ITSN1: variants seen among roughly 807,000 people sequenced by gnomAD.
ITSN1 encodes intersectin 1, also known as intersectin-1.
A neutral mutation model predicts 239.8 loss-of-function variants in ITSN1; 58 were observed. That is an observed-to-expected ratio of 0.24 (90% CI 0.20 to 0.30). ITSN1 has a LOEUF of 0.30. Ranked by LOEUF, ITSN1 falls within the 10% of genes least tolerant of loss-of-function variation. The pLI is 1.00. For missense variants in ITSN1, 1,558 were observed against 2,103.3 expected (o/e 0.74, Z 5.07); for synonymous variants, 780 against 770.8 (o/e 1.01, Z -0.20).
At chr21:33,674,282 G>C (rs1434531467) in intron 1 of ITSN1, among the ~76,000 whole-genome samples, 1 of 152,152 alleles carries the variant, frequency 6.6e-6, no homozygotes, top group Non-Finnish European at 1.5e-5. Flanking sequence ...ATGATTTAAT[G>C]TGTTACTATT....
intron 6 of ITSN1, 126 bp from the exon 7 acceptor site, chr21:33,751,684 C>T (rs553642993): frequency 4.2e-6 from 3 of 708,632 alleles, no homozygotes; most frequent in South Asian, 3.7e-5. Flanking sequence ...TCTTTTCAGT[C>T]TAGGCTGGCA....
chr21:33,815,979 C>T (rs1282963716), intron 22 of ITSN1, among the ~76,000 whole-genome samples: 1 of 151,884 alleles, frequency 6.6e-6, no homozygotes, highest in Admixed American at 6.6e-5. Context: ...ATCAGGAGTT[C>T]GTGTCCAGCC....
At chr21:33,698,939 T>G (rs1309592068) in intron 1 of ITSN1, among the ~76,000 whole-genome samples, 2 of 152,194 alleles carry the variant, frequency 1.3e-5, no homozygotes, top group Non-Finnish European at 2.9e-5. Context: ...GTTTTCCAAT[T>G]TTGAATTGTT....
intron 11 of ITSN1, among the ~76,000 whole-genome samples, chr21:33,770,436 T>C (rs777542654): frequency 8.5e-5 from 13 of 152,186 alleles, no homozygotes; most frequent in Non-Finnish European, 7.3e-5. Context: ...CTTAAACATA[T>C]GGATTTTGGT....
chr21:33,768,432 C>A (rs1485498340), intron 11 of ITSN1, among the ~76,000 whole-genome samples: 1 of 152,042 alleles, frequency 6.6e-6, no homozygotes, highest in African/African-American at 2.4e-5. Flanking sequence ...CAGGCACATG[C>A]ACCACGCCCG....
chr21:33,885,753 A>G (rs1176641961), intron 38 of ITSN1, among the ~76,000 whole-genome samples: 1 of 151,988 alleles, frequency 6.6e-6, no homozygotes, highest in African/African-American at 2.4e-5. Context: ...TTCACAGTGG[A>G]TGTGACACAA....
At chr21:33,877,122 C>T (rs1194029713) in intron 34 of ITSN1, among the ~76,000 whole-genome samples, 1 of 129,366 alleles carries the variant, frequency 7.7e-6, no homozygotes, top group Non-Finnish European at 1.5e-5. Context: ...GGTGTGATCT[C>T]GGCTCCCCGC....
intron 33 of ITSN1, among the ~76,000 whole-genome samples, chr21:33,871,709 C>T (rs1982774443): frequency 6.6e-6 from 1 of 151,828 alleles, no homozygotes; most frequent in South Asian, 2.1e-4. Context: ...CCACTGCACT[C>T]CAGCCTGGCG....
intron 16 of ITSN1, among the ~76,000 whole-genome samples, chr21:33,791,676 G>A (rs913842070): frequency 6.6e-6 from 1 of 152,080 alleles, no homozygotes; most frequent in Non-Finnish European, 1.5e-5. Flanking sequence ...GCCTAGTATA[G>A]AAAGGAAATG....
intron 1 of ITSN1, among the ~76,000 whole-genome samples, chr21:33,698,552 A>C (rs2091891229): frequency 6.6e-6 from 1 of 152,188 alleles, no homozygotes; most frequent in Non-Finnish European, 1.5e-5. Flanking sequence ...TATCCCTTTT[A>C]GGTCATCTTG....
intron 39 of ITSN1, among the ~76,000 whole-genome samples, chr21:33,887,781 A>C (rs1176557240): frequency 6.6e-6 from 1 of 151,532 alleles, no homozygotes; most frequent in African/African-American, 2.4e-5. Context: ...AATTTTTAAA[A>C]ATTTTTTGTA....
chr21:33,760,065 G>A (rs2068192011), intron 8 of ITSN1, among the ~76,000 whole-genome samples: 1 of 151,550 alleles, frequency 6.6e-6, no homozygotes, highest in Non-Finnish European at 1.5e-5. Context: ...TGGCGCCACT[G>A]CACTCCAGCC....
chr21:33,696,179 G>T (rs2091784729), intron 1 of ITSN1, among the ~76,000 whole-genome samples: 1 of 152,068 alleles, frequency 6.6e-6, no homozygotes, highest in African/African-American at 2.4e-5. Flanking sequence ...TTGCAGTAAG[G>T]CTTTTTTTTT....
At chr21:33,862,504 G>C (rs372102188) in intron 31 of ITSN1, among the ~76,000 whole-genome samples, 3 of 152,188 alleles carry the variant, frequency 2.0e-5, no homozygotes, top group African/African-American at 7.2e-5. Context: ...GAGGGAAGGA[G>C]AGAGGGCATG....
intron 33 of ITSN1, among the ~76,000 whole-genome samples, chr21:33,871,880 CT>C (rs1001410915): frequency 2.0e-5 from 3 of 152,148 alleles, no homozygotes; most frequent in African/African-American, 7.2e-5. Flanking sequence ...ACTGTGTGCT[CT>C]TGGGCAAGTT....
At chr21:33,862,676 T>C (rs934620217) in intron 31 of ITSN1, among the ~76,000 whole-genome samples, 1 of 149,360 alleles carries the variant, frequency 6.7e-6, no homozygotes, top group Non-Finnish European at 1.5e-5. Context: ...GGGAGGTGGG[T>C]TGGGGCCTCT....
At chr21:33,755,172 A>G in intron 7 of ITSN1, 125 bp from the exon 8 acceptor site, 1 of 509,224 alleles carries the variant, frequency 2.0e-6, no homozygotes, top group Non-Finnish European at 3.4e-6. Flanking sequence ...TGATAATAAA[A>G]TGAATAAAAT....
chr21:33,693,357 T>TTTTG (rs1568953287), intron 1 of ITSN1, among the ~76,000 whole-genome samples: 4 of 151,494 alleles, frequency 2.6e-5, no homozygotes, highest in Non-Finnish European at 4.4e-5. Flanking sequence ...GTTTTGTTTT[T>TTTTG]TTTGGTGGGG....
intron 5 of ITSN1, among the ~76,000 whole-genome samples, chr21:33,740,523 G>A (rs1419664560): frequency 6.6e-6 from 1 of 152,218 alleles, no homozygotes; most frequent in Non-Finnish European, 1.5e-5. Context: ...TGGCAGAACA[G>A]TGCTGATTAG....
Sources: gnomAD v4.1 joint callset for allele counts (sites outside exome capture counted in the v4.1 genomes callset) on GRCh38, gnomAD v4.1.1 for gene constraint, MANE v1.5 for transcripts, NCBI Gene and HGNC (gene_info 2026-07-23, HGNC 2026-07-21) for gene names.